SMG6: variants seen among roughly 807,000 people sequenced by gnomAD.
SMG6 encodes the protein telomerase-binding protein EST1A.
SMG6 carries 66 observed loss-of-function variants against 142.2 expected under a neutral mutation model. The observed-to-expected ratio is 0.46, with a 90% CI of 0.38 to 0.57. The LOEUF is 0.57. Ranked by LOEUF, SMG6 falls within the 20% of genes least tolerant of loss-of-function variation. The pLI, the probability that SMG6 is intolerant of heterozygous loss-of-function variation, is 0.00. For synonymous variants in SMG6, 779 were observed against 702.4 expected (o/e 1.11, Z -1.72); for missense variants, 1,793 against 1,832.0 (o/e 0.98, Z 0.39).
At chr17:2,108,453 C>A (rs946274833) in intron 13 of SMG6, among the ~76,000 whole-genome samples, 1 of 152,138 alleles carries the variant, frequency 6.6e-6, no homozygotes, top group Non-Finnish European at 1.5e-5. Context: ...CCTGTCTCTA[C>A]TAAAAATACA....
chr17:2,212,486 C>A (rs1053251942), intron 10 of SMG6: 2 of 152,174 alleles, frequency 1.3e-5, no homozygotes, highest in African/African-American at 2.4e-5. Flanking sequence ...ACAAGACAAA[C>A]CACAGAGTTG....
chr17:2,236,442 T>C (rs763054282), intron 10 of SMG6, 50 bp downstream of exon 10: 1 of 1,570,920 alleles, frequency 6.4e-7, no homozygotes, highest in Non-Finnish European at 8.7e-7. Flanking sequence ...AGAAGCTACA[T>C]TAATCTCTAT....
chr17:2,224,868 A>G (rs1032728437), intron 10 of SMG6, among the ~76,000 whole-genome samples: 2 of 152,220 alleles, frequency 1.3e-5, no homozygotes, highest in Non-Finnish European at 2.9e-5. Context: ...CCTGGAAAGC[A>G]CCTAGAGAGA....
chr17:2,166,351 C>T (rs2071338370), intron 13 of SMG6, among the ~76,000 whole-genome samples: 1 of 151,732 alleles, frequency 6.6e-6, no homozygotes, highest in Non-Finnish European at 1.5e-5. Flanking sequence ...AAATAATCTG[C>T]AATATATTAA....
intron 13 of SMG6, among the ~76,000 whole-genome samples, chr17:2,153,942 T>C (rs1421071230): frequency 5.5e-4 from 70 of 128,312 alleles, no homozygotes; most frequent in South Asian, 1.1e-3. Context: ...GGGATGCACG[T>C]AGAGTGTGAC....
intron 13 of SMG6, among the ~76,000 whole-genome samples, chr17:2,099,750 C>A (rs941684444): frequency 6.6e-6 from 1 of 152,196 alleles, no homozygotes; most frequent in Admixed American, 6.5e-5. Context: ...CATACAGAAC[C>A]AGCTCAATCA....
chr17:2,112,172 C>G (rs1461765385), intron 13 of SMG6, among the ~76,000 whole-genome samples: 3 of 151,764 alleles, frequency 2.0e-5, no homozygotes, highest in Non-Finnish European at 1.5e-5. Flanking sequence ...GCTTAGAAAT[C>G]TTCCTGATTA....
At chr17:2,138,953 T>G (rs1352384383) in intron 13 of SMG6, among the ~76,000 whole-genome samples, 1 of 152,204 alleles carries the variant, frequency 6.6e-6, no homozygotes, top group Admixed American at 6.5e-5. Flanking sequence ...CACCTAAAGC[T>G]GCTGATCTTA....
At chr17:2,173,203 G>T in intron 12 of SMG6, 1 of 296,522 alleles carries the variant, frequency 3.4e-6, no homozygotes. Context: ...GACACCCAGT[G>T]CTTGTGGCTG....
intron 4 of SMG6, 47 bp from the exon 5 acceptor site, chr17:2,293,024 T>C: frequency 1.5e-6 from 2 of 1,335,300 alleles, no homozygotes. Context: ...AAACACTAAC[T>C]TCAACCCTCA....
chr17:2,164,902 A>C (rs1343041449), intron 13 of SMG6, among the ~76,000 whole-genome samples: 4 of 151,952 alleles, frequency 2.6e-5, no homozygotes, highest in Non-Finnish European at 5.9e-5. Flanking sequence ...AAACCACTGT[A>C]CTCCAGCGTG....
chr17:2,236,447 CTCTA>C (rs145545852), intron 10 of SMG6, 41 bp downstream of exon 10: 38,593 of 1,578,074 alleles, frequency 0.024, 720 homozygotes, highest in South Asian at 0.062. Flanking sequence ...CTACATTAAT[CTCTA>C]TCTGTCTATA....
chr17:2,156,190 GA>G (rs2070996975), intron 13 of SMG6, among the ~76,000 whole-genome samples: 1 of 150,944 alleles, frequency 6.6e-6, no homozygotes, highest in African/African-American at 2.4e-5. Context: ...AGGAGTTCGA[GA>G]CCATCCTGGG....
intron 6 of SMG6, among the ~76,000 whole-genome samples, chr17:2,290,451 A>G (rs1420689811): frequency 1.3e-5 from 2 of 152,258 alleles, no homozygotes; most frequent in African/African-American, 2.4e-5. Context: ...CTTTTCACAA[A>G]AATTAACTCA....
chr17:2,134,347 G>A (rs893817412), intron 13 of SMG6, among the ~76,000 whole-genome samples: 17 of 147,464 alleles, frequency 1.2e-4, no homozygotes, highest in African/African-American at 4.3e-4. Context: ...GAACCCAAGA[G>A]GCGAAGGTTG....
intron 10 of SMG6, among the ~76,000 whole-genome samples, chr17:2,226,928 A>G (rs1442165338): frequency 1.3e-5 from 2 of 152,212 alleles, no homozygotes; most frequent in Non-Finnish European, 2.9e-5. Flanking sequence ...GCAAGTGGGC[A>G]AGAGATGTAA....
At chr17:2,115,909 A>G (rs2069490776) in intron 13 of SMG6, among the ~76,000 whole-genome samples, 1 of 152,010 alleles carries the variant, frequency 6.6e-6, no homozygotes, top group Non-Finnish European at 1.5e-5. Flanking sequence ...GTCTTGCTAT[A>G]TTGGCCAGGT....
At chr17:2,070,256 T>C (rs1476561298) in intron 15 of SMG6, among the ~76,000 whole-genome samples, 1 of 152,192 alleles carries the variant, frequency 6.6e-6, no homozygotes, top group Non-Finnish European at 1.5e-5. Flanking sequence ...CTACAGAACA[T>C]GGCCACTACT....
intron 9 of SMG6, among the ~76,000 whole-genome samples, chr17:2,240,727 G>A (rs1029988220): frequency 2.6e-5 from 4 of 152,226 alleles, no homozygotes; most frequent in Non-Finnish European, 5.9e-5. Context: ...GCACATAGTA[G>A]GCATTCGAGT....
Sources: gnomAD v4.1 joint callset for allele counts (sites outside exome capture counted in the v4.1 genomes callset) on GRCh38, gnomAD v4.1.1 for gene constraint, MANE v1.5 for transcripts, NCBI Gene and HGNC (gene_info 2026-07-23, HGNC 2026-07-21) for gene names.